The following TTC22 variants were observed in gnomAD, a reference collection of about 807,000 sequenced individuals.
TTC22 encodes tetratricopeptide repeat domain 22.
TTC22 carries 42 observed loss-of-function variants against 48.2 expected under a neutral mutation model. The observed-to-expected ratio is 0.87, with a 90% CI of 0.68 to 1.13. The LOEUF (loss-of-function observed/expected upper bound fraction) is 1.13. TTC22 is among the 50% of genes most tolerant of loss of function. The pLI, the probability that TTC22 is intolerant of heterozygous loss-of-function variation, is 0.00. For missense variants in TTC22, 784 were observed against 807.0 expected, an observed-to-expected ratio of 0.97 and a Z score of 0.34; for synonymous variants, 345 against 365.5, an observed-to-expected ratio of 0.94 and a Z score of 0.64.
intron 1 of TTC22, among the ~76,000 whole-genome samples, chr1:54,797,846 T>C (rs1043219817): frequency 1.3e-5 from 2 of 152,340 alleles, no homozygotes; most frequent in South Asian, 4.1e-4. Flanking sequence ...AGCAGCTCTT[T>C]GTCCTTTGAG....
intron 3 of TTC22, chr1:54,787,409 C>T (rs1272365823): frequency 1.8e-6 from 1 of 565,972 alleles, no homozygotes; most frequent in Non-Finnish European, 3.1e-6. Flanking sequence ...GACTCGACTC[C>T]TCTCCAACAG....
rs1203769663 is a variant in TTC22, at chr1:54,781,459, G to A, written c.1494C>T (p.Asp498=). 6.9e-7 allele frequency: 1 copy of A among 1,456,320 alleles called. No individual in the cohort carries two copies. Among genetic ancestry groups the A allele is most frequent in the Non-Finnish European group, 9.0e-7 (1 of 1,114,208 alleles). The allele number at this position is 1,456,320 out of a possible 1,614,324, so 90.2% of individuals were successfully genotyped here. A position where few individuals can be genotyped will look rare whatever the true frequency, so the allele number is the denominator to read the frequency against. The change falls in exon 7 of 7, where the codon GAC becomes GAT. Residue 498 remains aspartate, a synonymous_variant. Coordinates refer to ENST00000371276, the MANE Select transcript of TTC22 (RefSeq NM_001114108.2). The part of the protein sequence containing the change: ...LSDGELGREV[D]AWLRRAQDKY... ...TGTCCTGGGCGCGGCGCAGCCAGGC[G>A]TCCACCTCGCGGCCCAGCTCCCCGT...
Position 54,787,067 on chromosome 1 carries a change from A to G in TTC22, c.748T>C (p.Trp250Arg). The change falls in exon 4 of 7, where the codon TGG becomes CGG. Residue 250 changes from tryptophan to arginine, a missense_variant. Trp to Arg is a moderately radical substitution (Grantham distance 101). Coordinates refer to ENST00000371276, the MANE Select transcript of TTC22 (RefSeq NM_001114108.2). ...TCCAGCAGCATCCCGAGGTAGCACC[A>G]GGCCAGGGCTGGGGGTGAAGGGTGG... ...SEDPRHRALA[W>R]CYLGMLLERK... 6.6e-7 allele frequency: 1 copy of G among 1,516,772 alleles called. No individual in the cohort carries two copies. Among genetic ancestry groups the G allele is most frequent in the East Asian group, 2.5e-5 (1 of 40,750 alleles). The allele number at this position is 1,516,772 out of a possible 1,614,324, so 94.0% of individuals were successfully genotyped here.
intron 5 of TTC22, chr1:54,785,739 G>A: frequency 2.0e-6 from 1 of 495,350 alleles, no homozygotes; most frequent in South Asian, 2.1e-5. Flanking sequence ...CTTGAGCTTA[G>A]GAGGTCTAGG....
At chr1:54,794,399 T>C (rs1646375023) in intron 1 of TTC22, among the ~76,000 whole-genome samples, 1 of 152,164 alleles carries the variant, frequency 6.6e-6, no homozygotes, top group Admixed American at 6.5e-5. Context: ...AAGAAGGAAA[T>C]GTTGGGGAGC....
chr1:54,785,761 C>T (rs943369698), intron 5 of TTC22: 9 of 529,782 alleles, frequency 1.7e-5, no homozygotes, highest in South Asian at 6.2e-5. Context: ...TGCAGTGAGC[C>T]GTGGTGGCAC....
rs751111455 is a variant in TTC22, at chr1:54,786,050, C to T, written c.953G>A (p.Cys318Tyr). The change falls in exon 5 of 7, where the codon TGC (cysteine) becomes TAC (tyrosine). Residue 318 changes from cysteine (C) to tyrosine (Y), a missense_variant. Coordinates refer to ENST00000371276, the MANE Select transcript of TTC22 (RefSeq NM_001114108.2). Reference protein sequence around the residue: ...LGKQDMAIGTCNMALDVLRDP... With the variant: ...LGKQDMAIGTYNMALDVLRDP... The stretch of plus-strand genomic sequence containing the variant: ...TCGTAGGACATCCAGGGCCATGTTG[C>T]AGGTTCCAATGGCCATATCCTGCTT... 6.2e-7 allele frequency: 1 copy of T among 1,614,082 alleles called. No homozygotes were observed. The highest frequency in any genetic ancestry group is 1.1e-5 in the South Asian group (1 of 91,070).
chr1:54,784,542 A>G, intron 5 of TTC22: 1 of 1,015,148 alleles, frequency 9.9e-7, no homozygotes, highest in Non-Finnish European at 1.2e-6. Context: ...CAGACCATGA[A>G]CTTGAAAGTG....
In TTC22 at chr1:54,788,131, A is replaced by C. The variant is rs1329493163; in HGVS notation, c.568-34T>G. On this transcript the variant is annotated intron_variant, in intron 1 of 6. Coordinates refer to ENST00000371276, the MANE Select transcript of TTC22 (RefSeq NM_001114108.2). ...ACAGAGAACAGCCCACACTGCCATT[A>C]CTGAGGTACTCTGGCCATTGTTCAT... 2.5e-6 allele frequency: 4 copies of C among 1,603,210 alleles called. No individual in the cohort carries two copies. The East Asian group carries it at 6.7e-5, about 27-fold the overall frequency.
intron 5 of TTC22, chr1:54,785,513 A>T (rs1196016644): frequency 2.7e-5 from 12 of 448,876 alleles, no homozygotes; most frequent in Non-Finnish European, 5.3e-5. Flanking sequence ...GCATTCTTTC[A>T]CTCAAAAACC....
intron 3 of TTC22, 154 bp downstream of exon 3, chr1:54,787,557 G>C (rs1038147405): frequency 7.7e-6 from 5 of 646,198 alleles, no homozygotes; most frequent in Non-Finnish European, 1.4e-5. Context: ...AGGTATGTGG[G>C]CTCCTTGAGG....
chr1:54,787,156 A>G, intron 3 of TTC22, 81 bp from the exon 4 acceptor site: 1 of 684,684 alleles, frequency 1.5e-6, no homozygotes, highest in Non-Finnish European at 2.3e-6. Context: ...CCTAGGTGTC[A>G]CCCATGAAGA....
In TTC22 at chr1:54,781,780, C is replaced by T. The variant is rs1646265549; in HGVS notation, c.1174-1G>A. 1 of 1,423,840 alleles carries T rather than the reference C, an allele frequency of 7.0e-7. No homozygotes were observed. Among genetic ancestry groups the T allele is most frequent in the South Asian group, 1.4e-5 (1 of 69,516 alleles). The allele number at this position is 1,423,840 out of a possible 1,614,324, so 88.2% of individuals were successfully genotyped here. A position where few individuals can be genotyped will look rare whatever the true frequency, so the allele number is the denominator to read the frequency against. ...CGTCCACGCCCATATAGTAGTAGAC[C>T]TGGGGTCGGGGACGCGGGGTGAGCC... On this transcript the variant is annotated splice_acceptor_variant, in intron 6 of 6. Coordinates refer to ENST00000371276, the MANE Select transcript of TTC22 (RefSeq NM_001114108.2). LOFTEE classifies it high-confidence loss of function.
intron 5 of TTC22, among the ~76,000 whole-genome samples, chr1:54,783,543 G>A (rs1326415538): frequency 6.6e-6 from 1 of 152,178 alleles, no homozygotes; most frequent in African/African-American, 2.4e-5. Flanking sequence ...CAGGCACTGA[G>A]AATACAGTAG....
At chr1:54,795,192 G>A (rs1646381389) in intron 1 of TTC22, among the ~76,000 whole-genome samples, 1 of 152,252 alleles carries the variant, frequency 6.6e-6, no homozygotes, top group African/African-American at 2.4e-5. Flanking sequence ...AGAGCCCACT[G>A]GCATGGCTCA....
In TTC22 at chr1:54,781,350, G is replaced by T; in HGVS notation, c.1603C>A (p.Leu535Met). 7.1e-7 allele frequency: 1 copy of T among 1,404,026 alleles called. No individual in the cohort carries two copies. The highest frequency in any genetic ancestry group is 9.2e-7 in the Non-Finnish European group (1 of 1,091,240). The allele number at this position is 1,404,026 out of a possible 1,614,324, so 87.0% of individuals were successfully genotyped here. A position where few individuals can be genotyped will look rare whatever the true frequency, so the allele number is the denominator to read the frequency against. Reference protein sequence around the residue: ...TDEVLGLARALVAQGRPALVR... With the variant: ...TDEVLGLARAMVAQGRPALVR... ...AGCGCCGGCCGTCCCTGGGCCACCA[G>T]GGCCCGGGCCAGCCCCAACACCTCG... is the stretch of plus-strand genomic sequence containing the variant. The change falls in exon 7 of 7, where the codon CTG becomes ATG. Residue 535 changes from leucine to methionine, a missense_variant. Leu to Met is a conservative substitution (Grantham distance 15). Transcript: ENST00000371276.
chr1:54,788,216 C>T lies in TTC22; in HGVS notation c.568-119G>A, dbSNP rs563682840. ...AGGCACAAGTGGGAAGGGCTTTGACCTTAAACACCTTTGATTACAGTCCTG... is the reference window on the plus strand; with the variant it reads ...AGGCACAAGTGGGAAGGGCTTTGACTTTAAACACCTTTGATTACAGTCCTG... On this transcript the variant is annotated intron_variant, in intron 1 of 6. Coordinates refer to ENST00000371276, the MANE Select transcript of TTC22 (RefSeq NM_001114108.2). 109 of 941,528 alleles carry T rather than the reference C, an allele frequency of 1.2e-4. No homozygotes were observed. In the South Asian group the frequency reaches 1.4e-3, roughly 12 times the overall value. The allele number at this position is 941,528 out of a possible 1,614,324, so 58.3% of individuals were successfully genotyped here.
At chr1:54,797,678 G>A (rs1419000481) in intron 1 of TTC22, among the ~76,000 whole-genome samples, 1 of 152,204 alleles carries the variant, frequency 6.6e-6, no homozygotes, top group African/African-American at 2.4e-5. Flanking sequence ...AGCAAAGAAA[G>A]GAAGTCACAG....
chr1:54,787,752 A>AG lies in TTC22; in HGVS notation c.697dup (p.Leu233ProfsTer40). Reference sequence around the variant, plus strand: ...CTCGGACTTCAGCACTTGCCGGAGTAGGGCCAGCGTGCGGTTGAAGGCAGG... The same window carrying AG: ...CTCGGACTTCAGCACTTGCCGGAGTAGGGGCCAGCGTGCGGTTGAAGGCAGG... On this transcript the variant is annotated frameshift_variant, in exon 3 of 7. Coordinates refer to ENST00000371276, the MANE Select transcript of TTC22 (RefSeq NM_001114108.2). LOFTEE classifies it high-confidence loss of function. The AG allele has an allele frequency of 6.2e-7, 1 of 1,613,602 alleles. No homozygotes were observed. Among genetic ancestry groups the AG allele is most frequent in the Non-Finnish European group, 8.5e-7 (1 of 1,179,818 alleles).
Sources: gnomAD v4.1 joint callset for allele counts (sites outside exome capture counted in the v4.1 genomes callset) on GRCh38, gnomAD v4.1.1 for gene constraint, MANE v1.5 for transcripts, NCBI Gene and HGNC (gene_info 2026-07-23, HGNC 2026-07-21) for gene names.